GPHN: variants seen among roughly 807,000 people sequenced by gnomAD.
The protein encoded by GPHN is gephyrin.
A neutral mutation model predicts 95.5 loss-of-function variants in GPHN; 17 were observed. The observed-to-expected ratio is 0.18, with a 90% CI of 0.12 to 0.27. The LOEUF (loss-of-function observed/expected upper bound fraction) is 0.27, where lower values mean the gene tolerates loss of function less well. GPHN is among the 10% of genes least tolerant of loss of function. The probability of loss-of-function intolerance (pLI) is 1.00; values close to 1 mark genes in which losing one functional copy is unlikely to be tolerated. For synonymous variants in GPHN, 320 were observed against 322.5 expected, an observed-to-expected ratio of 0.99 and a Z score of 0.08; for missense variants, 660 against 978.1, an observed-to-expected ratio of 0.67 and a Z score of 4.34.
chr14:66,791,759 A>G (rs137855136), intron 3 of GPHN, among the ~76,000 whole-genome samples: 1,795 of 152,332 alleles, frequency 0.012, 18 homozygotes, highest in Non-Finnish European at 0.018. Flanking sequence ...AGCCTGTTTT[A>G]TCAGCAAGGT....
intron 2 of GPHN, among the ~76,000 whole-genome samples, chr14:66,690,700 A>G (rs967431865): frequency 1.3e-5 from 2 of 152,170 alleles, no homozygotes; most frequent in Non-Finnish European, 2.9e-5. Context: ...TTGGGTGCAT[A>G]TTATATTTAC....
the GPHN span, chr14:67,359,512 C>T: frequency 3.5e-6 from 3 of 852,162 alleles, no homozygotes; most frequent in Non-Finnish European, 5.3e-6. Context: ...CGTCAGGAAG[C>T]CTCGCCCTAG....
At chr14:67,648,244 G>A in the GPHN span, 9 of 1,530,720 alleles carry the variant, frequency 5.9e-6, no homozygotes, top group South Asian at 1.1e-4. Context: ...AGAGTCTCTT[G>A]CCTGCAAAGG....
intron 4 of GPHN, among the ~76,000 whole-genome samples, chr14:66,845,038 A>T (rs1477723097): frequency 1.3e-5 from 2 of 152,142 alleles, no homozygotes; most frequent in African/African-American, 4.8e-5. Flanking sequence ...CATTTATATT[A>T]TATCATGTAT....
the GPHN span, among the ~76,000 whole-genome samples, chr14:67,391,801 G>T: frequency 6.6e-6 from 1 of 152,168 alleles, no homozygotes; most frequent in Non-Finnish European, 1.5e-5. Context: ...TCCCAAACAC[G>T]GTTTAGGAGT....
the GPHN span, among the ~76,000 whole-genome samples, chr14:67,614,633 G>A: frequency 2.6e-5 from 4 of 151,900 alleles, no homozygotes; most frequent in South Asian, 4.2e-4. Context: ...ATGGTGGCAC[G>A]CACCTGTAGT....
At chr14:67,496,834 G>T in the GPHN span, among the ~76,000 whole-genome samples, 1 of 140,104 alleles carries the variant, frequency 7.1e-6, no homozygotes, top group Non-Finnish European at 1.5e-5. Context: ...TTTCATTCTT[G>T]TTGCCCAGGC....
At chr14:66,529,008 C>G (rs1247884421) in intron 1 of GPHN, among the ~76,000 whole-genome samples, 2 of 152,072 alleles carry the variant, frequency 1.3e-5, no homozygotes, top group Non-Finnish European at 2.9e-5. Context: ...GAATGTTGGC[C>G]TGTCTTGCTA....
At position 66,543,511 on chromosome 14, in the gene GPHN, A is replaced by C. The variant is rs74520133; in HGVS notation, c.64+34920A>C. ...AACTCCTAAATTTATGTACCTGTTT[A>C]AGAAACTATTCCTGAATTGTACACA... is the stretch of plus-strand genomic sequence containing the variant. On this transcript the variant is annotated intron_variant, in intron 1 of 22. Transcript: ENST00000478722. Among the ~76,000 whole-genome samples, 1,196 of 152,306 alleles carry C rather than the reference A, an allele frequency of 7.9e-3. 7 individuals carry two copies. Among genetic ancestry groups the C allele is most frequent in the African/African-American group, 0.027 (1,141 of 41,550 alleles).
chr14:66,534,236 T>C (rs1346899627), intron 1 of GPHN, among the ~76,000 whole-genome samples: 2 of 152,204 alleles, frequency 1.3e-5, no homozygotes, highest in Non-Finnish European at 2.9e-5. Context: ...GATCAAGATG[T>C]AGAACATCTC....
chr14:66,537,859 G>A lies in GPHN; in HGVS notation c.64+29268G>A, dbSNP rs150591907. ...TGTTGCTGTTTTGAGACAGGGTCTC[G>A]CTCTGTTACTGAGGCTGGAGTGCAG... On this transcript the variant is annotated intron_variant, in intron 1 of 22. Coordinates refer to ENST00000478722, the MANE Select transcript of GPHN (RefSeq NM_020806.5). 4.0e-3 allele frequency among the ~76,000 whole-genome samples: 603 copies of A among 152,200 alleles called. 1 individual carries two copies. Among genetic ancestry groups the A allele is most frequent in the Middle Eastern group, 0.014 (4 of 294 alleles).
the GPHN span, among the ~76,000 whole-genome samples, chr14:67,410,528 G>A: frequency 6.6e-6 from 1 of 152,194 alleles, no homozygotes; most frequent in Admixed American, 6.5e-5. Context: ...GTGGCGCTTT[G>A]TACTGCTCTA....
intron 9 of GPHN, among the ~76,000 whole-genome samples, chr14:66,970,360 A>G (rs2069668154): frequency 6.6e-6 from 1 of 152,188 alleles, no homozygotes; most frequent in Non-Finnish European, 1.5e-5. Context: ...AGGGTTTTTA[A>G]TGTATGAGTC....
At chr14:67,522,985 C>A in the GPHN span, among the ~76,000 whole-genome samples, 1 of 152,218 alleles carries the variant, frequency 6.6e-6, no homozygotes, top group African/African-American at 2.4e-5. Context: ...TGAGTGTCTT[C>A]TCTTGCCTAG....
intron 8 of GPHN, among the ~76,000 whole-genome samples, chr14:66,957,417 A>G (rs61989636): frequency 0.16 from 24,977 of 151,688 alleles, 2,560 homozygotes; most frequent in Non-Finnish European, 0.23. Context: ...GCTGGTCTTG[A>G]GCAGCTGACC....
chr14:67,633,263 TTC>T, the GPHN span, among the ~76,000 whole-genome samples: 97 of 152,274 alleles, frequency 6.4e-4, 2 homozygotes, highest in Non-Finnish European at 2.4e-4. Flanking sequence ...CCTTTGTAGG[TTC>T]TCTCTTTTTT....
chr14:67,127,445 A>C (rs1188454086), intron 17 of GPHN, among the ~76,000 whole-genome samples: 1 of 152,218 alleles, frequency 6.6e-6, no homozygotes, highest in Non-Finnish European at 1.5e-5. Flanking sequence ...TGGAGACTGG[A>C]AATAAGGAGA....
the GPHN span, chr14:67,729,503 C>A: frequency 1.1e-5 from 10 of 923,536 alleles, no homozygotes; most frequent in African/African-American, 1.5e-4. Flanking sequence ...TTGGGTTGGG[C>A]CTGCAAACAG....
intron 3 of GPHN, among the ~76,000 whole-genome samples, chr14:66,778,418 A>G (rs2059468763): frequency 6.6e-6 from 1 of 152,090 alleles, no homozygotes; most frequent in Non-Finnish European, 1.5e-5. Context: ...AAATTGACTT[A>G]CTCTTTAAAA....
Sources: allele counts gnomAD v4.1 joint callset (sites outside exome capture counted in the v4.1 genomes callset), GRCh38; gene constraint gnomAD v4.1.1; transcripts MANE v1.5; gene names NCBI Gene and HGNC (gene_info 2026-07-23, HGNC 2026-07-21).